Variants in TGS1 observed in about 807,000 individuals in gnomAD.
TGS1 encodes trimethylguanosine synthase 1.
In TGS1, 69 loss-of-function variants were observed where a neutral mutation model predicts 92.2. The observed-to-expected ratio is 0.75, with a 90% CI of 0.62 to 0.91. TGS1 has a LOEUF of 0.91. Ranked by LOEUF, TGS1 falls within the 40% of genes least tolerant of loss-of-function variation. The probability of loss-of-function intolerance (pLI) is 0.00; values close to 1 mark genes in which losing one functional copy is unlikely to be tolerated. For missense variants in TGS1, 1,062 were observed against 1,001.2 expected, an observed-to-expected ratio of 1.06 and a Z score of -0.82; for synonymous variants, 345 against 338.1, an observed-to-expected ratio of 1.02 and a Z score of -0.22.
intron 12 of TGS1, among the ~76,000 whole-genome samples, chr8:55,813,752 T>G (rs1408655116): frequency 2.0e-5 from 3 of 152,182 alleles, no homozygotes; most frequent in African/African-American, 7.2e-5. Flanking sequence ...ACATCTATTA[T>G]AAGAGAATGT....
At position 55,782,770 on chromosome 8, in the gene TGS1, G is replaced by A. The variant is rs1351968583; in HGVS notation, c.124G>A (p.Gly42Arg). 3.1e-6 allele frequency: 5 copies of A among 1,610,080 alleles called. No individual in the cohort carries two copies. The highest frequency in any genetic ancestry group is 3.4e-6 in the Non-Finnish European group (4 of 1,178,696). Residue 42 changes from glycine to arginine, a missense_variant, in exon 2 of 13, where the codon GGA becomes AGA. Physicochemically the swap from Gly to Arg is moderately radical, Grantham distance 125. Transcript: ENST00000260129. Reference sequence around the variant, plus strand: ...CAGGGATCGAAAATTGTACAATTTGGGATTAAAAGGCTATTACATCAGAGA... The same window carrying A: ...CAGGGATCGAAAATTGTACAATTTGAGATTAAAAGGCTATTACATCAGAGA... ...FVEDRKLYNLGLKGYYIRDSG... is the reference protein window; with the variant it reads ...FVEDRKLYNLRLKGYYIRDSG...
At chr8:55,809,846 T>C (rs1803292357) in intron 10 of TGS1, among the ~76,000 whole-genome samples, 1 of 152,196 alleles carries the variant, frequency 6.6e-6, no homozygotes, top group Non-Finnish European at 1.5e-5. Context: ...ATCGATTTGA[T>C]GTTGAAAGTC....
Position 55,786,894 on chromosome 8 carries a change from A to G in TGS1, c.996A>G (p.Thr332=). 1 of 1,614,176 alleles carries G rather than the reference A, an allele frequency of 6.2e-7. No individual in the cohort carries two copies. Among genetic ancestry groups the G allele is most frequent in the Non-Finnish European group, 8.5e-7 (1 of 1,180,014 alleles). Residue 332 remains threonine (T), a synonymous_variant, in exon 4 of 13, where the codon ACA becomes ACG. Coordinates refer to ENST00000260129, the MANE Select transcript of TGS1 (RefSeq NM_024831.8). The part of the protein sequence containing the change: ...SNIKLNSEEV[T]QSQLDSCTSH... The stretch of plus-strand genomic sequence containing the variant: ...TAAAACTGAATTCAGAGGAAGTAAC[A>G]CAGAGCCAATTAGATTCCTGTACAA...
intron 8 of TGS1, among the ~76,000 whole-genome samples, chr8:55,800,827 C>CT (rs1812195381): frequency 6.6e-6 from 1 of 152,274 alleles, no homozygotes; most frequent in Admixed American, 6.5e-5. Context: ...GGACATAGCC[C>CT]TATCCTTGAG....
At chr8:55,800,120 A>G (rs1812181050) in intron 8 of TGS1, among the ~76,000 whole-genome samples, 2 of 152,166 alleles carry the variant, frequency 1.3e-5, no homozygotes, top group South Asian at 2.1e-4. Context: ...CTTTATTACT[A>G]TGGAAAATAA....
chr8:55,781,432 CT>C (rs1811559338), intron 1 of TGS1, among the ~76,000 whole-genome samples: 1 of 151,662 alleles, frequency 6.6e-6, no homozygotes, highest in African/African-American at 2.4e-5. Context: ...AATAAGTAAC[CT>C]TCAACAAGGG....
chr8:55,817,507 A>G (rs1485553344), intron 12 of TGS1, among the ~76,000 whole-genome samples: 4 of 152,238 alleles, frequency 2.6e-5, no homozygotes, highest in Non-Finnish European at 5.9e-5. Flanking sequence ...TTTTGGCTAA[A>G]TACAATAAAA....
At chr8:55,811,187 G>GGT in intron 11 of TGS1, 90 bp downstream of exon 11, 1 of 325,858 alleles carries the variant, frequency 3.1e-6, no homozygotes, top group Non-Finnish European at 6.2e-6. Flanking sequence ...GGGTGGGTGG[G>GGT]CAGGGTGGCT....
chr8:55,776,784 T>C (rs186059174), intron 1 of TGS1, among the ~76,000 whole-genome samples: 2 of 152,292 alleles, frequency 1.3e-5, no homozygotes. Context: ...CACCACTAAT[T>C]GTTCTACATT....
chr8:55,798,515 C>A (rs998561118), intron 7 of TGS1, among the ~76,000 whole-genome samples: 17 of 152,092 alleles, frequency 1.1e-4, no homozygotes, highest in African/African-American at 3.6e-4. Flanking sequence ...TTGACCATTG[C>A]AGAAAGGTCT....
chr8:55,793,877 C>T (rs909609040), intron 6 of TGS1, among the ~76,000 whole-genome samples: 1 of 151,818 alleles, frequency 6.6e-6, no homozygotes, highest in African/African-American at 2.4e-5. Context: ...CTTGGCCTCC[C>T]AAAGTGCTGG....
intron 1 of TGS1, among the ~76,000 whole-genome samples, chr8:55,774,768 A>G (rs926064237): frequency 5.4e-4 from 82 of 152,216 alleles, no homozygotes; most frequent in African/African-American, 1.9e-3. Context: ...GCTATGAGAG[A>G]GAAGTGCAGG....
chr8:55,793,130 A>G (rs1236332917), intron 6 of TGS1, among the ~76,000 whole-genome samples: 1 of 152,270 alleles, frequency 6.6e-6, no homozygotes, highest in Non-Finnish European at 1.5e-5. Context: ...GTACATCTGA[A>G]GACCATAGCA....
chr8:55,819,104 G>T (rs1288466174), intron 12 of TGS1, among the ~76,000 whole-genome samples: 1 of 152,004 alleles, frequency 6.6e-6, no homozygotes, highest in Admixed American at 6.6e-5. Context: ...ACCATGCCTG[G>T]CTAATTTTTT....
At chr8:55,814,587 G>A (rs1803422596) in intron 12 of TGS1, among the ~76,000 whole-genome samples, 1 of 150,190 alleles carries the variant, frequency 6.7e-6, no homozygotes, top group Non-Finnish European at 1.5e-5. Flanking sequence ...ACTTTGGGAG[G>A]CCAAGGCAGG....
Position 55,786,335 on chromosome 8 carries a change from A to G in TGS1, c.437A>G (p.Tyr146Cys). The change falls in exon 4 of 13, where the codon TAT (tyrosine) becomes TGT (cysteine). Residue 146 changes from tyrosine (Y) to cysteine (C), a missense_variant. Physicochemically the swap from Tyr to Cys is radical, Grantham distance 194 (BLOSUM62 -2). Transcript: ENST00000260129. ...EIVQESWRKE[Y>C]EEDDILASDD... is the part of the protein sequence containing the mutation. ...GTGCAAGAATCTTGGAGAAAAGAAT[A>G]TGAAGAAGACGACATTTTGGCTTCA... The G allele has an allele frequency of 1.2e-6, 2 of 1,609,960 alleles. No homozygotes were observed. Among genetic ancestry groups the G allele is most frequent in the Non-Finnish European group, 1.7e-6 (2 of 1,177,466 alleles).
chr8:55,824,265 G>A (rs1033616992), intron 12 of TGS1, among the ~76,000 whole-genome samples: 4 of 152,260 alleles, frequency 2.6e-5, no homozygotes, highest in South Asian at 2.1e-4. Context: ...TTAATAAACC[G>A]GATGTTTGGG....
chr8:55,781,419 G>A (rs1330986672), intron 1 of TGS1, among the ~76,000 whole-genome samples: 1 of 151,670 alleles, frequency 6.6e-6, no homozygotes, highest in African/African-American at 2.4e-5. Context: ...AAATAATAAA[G>A]TAAATAAGTA....
chr8:55,813,658 TG>T (rs1253006881), intron 12 of TGS1, among the ~76,000 whole-genome samples: 1 of 152,222 alleles, frequency 6.6e-6, no homozygotes, highest in African/African-American at 2.4e-5. Context: ...AGTATTCTGA[TG>T]TTTTTTGTGT....
Sources: gnomAD v4.1 joint callset for allele counts (sites outside exome capture counted in the v4.1 genomes callset) on GRCh38, gnomAD v4.1.1 for gene constraint, MANE v1.5 for transcripts, NCBI Gene and HGNC (gene_info 2026-07-23, HGNC 2026-07-21) for gene names.